Variants in RALYL observed in about 807,000 individuals in gnomAD.
The protein encoded by RALYL is RALY RNA binding protein like.
In RALYL, 29 loss-of-function variants were observed where a neutral mutation model predicts 35.1. The ratio of observed to expected loss-of-function variants is 0.83; its 90% confidence interval spans 0.61 to 1.13. The LOEUF (loss-of-function observed/expected upper bound fraction) is 1.13. RALYL is among the 50% of genes most tolerant of loss of function. The probability of loss-of-function intolerance (pLI) is 0.00; values close to 1 mark genes in which losing one functional copy is unlikely to be tolerated. For missense variants in RALYL, 359 were observed against 360.4 expected (o/e 1.00, Z 0.03); for synonymous variants, 120 against 127.6 (o/e 0.94, Z 0.40).
intron 1 of RALYL, among the ~76,000 whole-genome samples, chr8:84,397,082 G>A (rs926278054): frequency 2.6e-5 from 4 of 152,094 alleles, no homozygotes; most frequent in African/African-American, 9.7e-5. Flanking sequence ...TAAGAGGCAA[G>A]CCAGAGGATC....
chr8:84,223,081 GCCTTT>G (rs767992068), intron 1 of RALYL, among the ~76,000 whole-genome samples: 3,885 of 51,272 alleles, frequency 0.076, 127 homozygotes, highest in Middle Eastern at 0.1. Context: ...CCTTTGCCCT[GCCTTT>G]CCTTTCCTTT....
chr8:84,469,872 G>T (rs554194001), intron 1 of RALYL, among the ~76,000 whole-genome samples: 1 of 152,176 alleles, frequency 6.6e-6, no homozygotes, highest in Non-Finnish European at 1.5e-5. Context: ...TCGGAAAAGC[G>T]CAGTATTCGG....
intron 2 of RALYL, among the ~76,000 whole-genome samples, chr8:84,577,363 A>C (rs1809711424): frequency 6.6e-6 from 1 of 152,232 alleles, no homozygotes; most frequent in Admixed American, 6.5e-5. Context: ...AGGTAGAGTG[A>C]AGTCTGGAAT....
chr8:84,570,325 G>GTT (rs140779480), intron 2 of RALYL, among the ~76,000 whole-genome samples: 2 of 145,796 alleles, frequency 1.4e-5, no homozygotes, highest in East Asian at 2.0e-4. Flanking sequence ...ATTCTAAATT[G>GTT]TTTTTTTTTT....
rs927113686 is a variant in RALYL, at chr8:84,575,205, A to G, written c.256+45628A>G. Among the ~76,000 whole-genome samples the G allele has an allele frequency of 2.6e-5, 4 of 152,218 alleles. No individual in the cohort carries two copies. In the East Asian group the frequency reaches 7.7e-4, roughly 29 times the overall value. On this transcript the variant is annotated intron_variant, in intron 2 of 8. Coordinates refer to ENST00000521268, the MANE Select transcript of RALYL (RefSeq NM_173848.7). ...CCCCACATGTGCCTGTCACTTGTTT[A>G]TAAGCCAGACCTAAACATGTGTGCC...
At chr8:84,803,403 G>A (rs940018862) in intron 3 of RALYL, among the ~76,000 whole-genome samples, 4 of 151,988 alleles carry the variant, frequency 2.6e-5, no homozygotes, top group Middle Eastern at 3.2e-3. Flanking sequence ...AACATTTTTC[G>A]TTGCTTCAGC....
intron 2 of RALYL, among the ~76,000 whole-genome samples, chr8:84,565,267 T>C (rs1204735310): frequency 6.6e-6 from 1 of 151,544 alleles, no homozygotes; most frequent in Non-Finnish European, 1.5e-5. Flanking sequence ...AAACTATGTG[T>C]TTTCATAGCC....
At chr8:84,250,155 A>G (rs1829893367) in intron 1 of RALYL, among the ~76,000 whole-genome samples, 1 of 152,044 alleles carries the variant, frequency 6.6e-6, no homozygotes, top group African/African-American at 2.4e-5. Context: ...GAGGCTTCAT[A>G]GCACTCAAAA....
At chr8:84,910,140 G>A (rs1847253408) in intron 8 of RALYL, among the ~76,000 whole-genome samples, 1 of 152,016 alleles carries the variant, frequency 6.6e-6, no homozygotes, top group Non-Finnish European at 1.5e-5. Context: ...ACAATGCTTT[G>A]GATCAAGAGA....
At chr8:84,302,973 T>C (rs1012668644) in intron 1 of RALYL, among the ~76,000 whole-genome samples, 5 of 152,216 alleles carry the variant, frequency 3.3e-5, no homozygotes, top group African/African-American at 1.2e-4. Flanking sequence ...CTTGTAGTTA[T>C]GTAGGTAGGA....
At chr8:84,464,034 T>C (rs1330416000) in intron 1 of RALYL, among the ~76,000 whole-genome samples, 4 of 152,006 alleles carry the variant, frequency 2.6e-5, no homozygotes, top group Non-Finnish European at 5.9e-5. Flanking sequence ...TTCCATGCTG[T>C]TGCATTTATC....
At chr8:84,323,710 C>A (rs182779825) in intron 1 of RALYL, among the ~76,000 whole-genome samples, 1 of 151,972 alleles carries the variant, frequency 6.6e-6, no homozygotes, top group Non-Finnish European at 1.5e-5. Flanking sequence ...TATGGATATC[C>A]TATATGACCA....
chr8:84,496,126 G>T (rs1460458489), intron 1 of RALYL, among the ~76,000 whole-genome samples: 1 of 152,034 alleles, frequency 6.6e-6, no homozygotes, highest in Non-Finnish European at 1.5e-5. Flanking sequence ...TGGTATCCTA[G>T]AGGTTTTTAG....
At chr8:84,724,527 A>T (rs939457761) in intron 2 of RALYL, among the ~76,000 whole-genome samples, 27 of 151,924 alleles carry the variant, frequency 1.8e-4, no homozygotes, top group African/African-American at 4.8e-4. Context: ...CATCTTTGAC[A>T]TTCATTTAGA....
At chr8:84,462,338 G>T (rs1159423679) in intron 1 of RALYL, among the ~76,000 whole-genome samples, 1 of 151,186 alleles carries the variant, frequency 6.6e-6, no homozygotes, top group Non-Finnish European at 1.5e-5. Flanking sequence ...TTGGACACCA[G>T]TCTCTTTTCG....
intron 2 of RALYL, among the ~76,000 whole-genome samples, chr8:84,541,126 T>A (rs114053663): frequency 6.6e-6 from 1 of 151,972 alleles, no homozygotes; most frequent in Non-Finnish European, 1.5e-5. Flanking sequence ...ATATCCTTTT[T>A]TTTTTCTTCT....
At chr8:84,319,292 T>C (rs1844355971) in intron 1 of RALYL, among the ~76,000 whole-genome samples, 1 of 152,150 alleles carries the variant, frequency 6.6e-6, no homozygotes, top group South Asian at 2.1e-4. Context: ...AAAGCATTTA[T>C]TAATGTTATG....
At chr8:84,674,933 A>T (rs1833913821) in intron 2 of RALYL, among the ~76,000 whole-genome samples, 1 of 152,004 alleles carries the variant, frequency 6.6e-6, no homozygotes, top group Non-Finnish European at 1.5e-5. Context: ...ACTTATGTTT[A>T]TTTAAAATTT....
intron 5 of RALYL, among the ~76,000 whole-genome samples, chr8:84,858,445 T>G (rs566420872): frequency 6.6e-6 from 1 of 151,972 alleles, no homozygotes; most frequent in African/African-American, 2.4e-5. Context: ...TTAGGGAAAA[T>G]TAAGGGCTAT....
Sources: gnomAD v4.1 joint callset for allele counts (sites outside exome capture counted in the v4.1 genomes callset) on GRCh38, gnomAD v4.1.1 for gene constraint, MANE v1.5 for transcripts, NCBI Gene and HGNC (gene_info 2026-07-23, HGNC 2026-07-21) for gene names.